PATJ: variants seen among roughly 807,000 people sequenced by gnomAD.
PATJ encodes the protein PATJ crumbs cell polarity complex component.
In PATJ, 190 loss-of-function variants were observed where a neutral mutation model predicts 224.9. The observed-to-expected ratio is 0.84, with a 90% confidence interval of 0.75 to 0.95. PATJ has a LOEUF of 0.95. Among genes scored for constraint, PATJ ranks in the 40% least tolerant of loss-of-function variants. The probability of loss-of-function intolerance (pLI) is 0.00; values close to 1 mark genes in which losing one functional copy is unlikely to be tolerated. For missense variants in PATJ, 2,121 were observed against 2,270.3 expected, an observed-to-expected ratio of 0.93 and a Z score of 1.34; for synonymous variants, 769 against 820.3, an observed-to-expected ratio of 0.94 and a Z score of 1.07.
At chr1:62,032,828 C>T (rs1258215170) in intron 29 of PATJ, among the ~76,000 whole-genome samples, 7 of 152,106 alleles carry the variant, frequency 4.6e-5, no homozygotes, top group Non-Finnish European at 7.4e-5. Flanking sequence ...GACAGTTCAG[C>T]GTGTCTGGGG....
chr1:61,758,773 G>A (rs1645795889), intron 1 of PATJ, among the ~76,000 whole-genome samples: 1 of 151,806 alleles, frequency 6.6e-6, no homozygotes, highest in Admixed American at 6.6e-5. Context: ...AGTTTTTGTT[G>A]TTGTTGTTTT....
Position 62,123,021 on chromosome 1 carries a change from G to T in PATJ, c.5006G>T (p.Gly1669Val), listed in dbSNP as rs200412855. 3.2e-6 allele frequency: 5 copies of T among 1,578,008 alleles called. No individual in the cohort carries two copies. The highest frequency in any genetic ancestry group is 4.3e-6 in the Non-Finnish European group (5 of 1,154,546). ...RVSDPSQKNS[G>V]TDMEPRTVEI... ...AGTTAATTGTGTTGCTTCTTTATAG[G>T]CACAGATATGGAACCAAGGACTGTT... Residue 1669 changes from glycine (G) to valine (V), a missense_variant and splice_region_variant, in exon 39 of 44, where the codon GGC becomes GTC. By Grantham distance (109) the Gly-to-Val change is moderately radical (BLOSUM62 -3). Coordinates refer to ENST00000642238, the MANE Select transcript of PATJ (RefSeq NM_001350145.3).
intron 7 of PATJ, among the ~76,000 whole-genome samples, chr1:61,783,968 T>TA (rs1445990378): frequency 3.3e-5 from 5 of 152,048 alleles, no homozygotes; most frequent in African/African-American, 1.2e-4. Context: ...GGTTTGGTGA[T>TA]AGAGTGAGAC....
At chr1:61,964,632 T>C (rs1681811761) in intron 27 of PATJ, among the ~76,000 whole-genome samples, 1 of 150,992 alleles carries the variant, frequency 6.6e-6, no homozygotes, top group African/African-American at 2.4e-5. Context: ...CTACCAAAAA[T>C]ACAAAAATTA....
intron 8 of PATJ, among the ~76,000 whole-genome samples, chr1:61,789,684 C>T (rs970486236): frequency 3.3e-5 from 5 of 151,878 alleles, no homozygotes; most frequent in African/African-American, 7.3e-5. Context: ...TGGTGGCACA[C>T]GCTTGTAATT....
At chr1:62,118,422 G>C (rs1664687229) in intron 37 of PATJ, among the ~76,000 whole-genome samples, 2 of 152,114 alleles carry the variant, frequency 1.3e-5, no homozygotes, top group African/African-American at 4.8e-5. Context: ...CTACACAGAG[G>C]AGGTTCCATT....
chr1:62,042,733 A>C (rs1179895525), intron 30 of PATJ, among the ~76,000 whole-genome samples: 1 of 152,102 alleles, frequency 6.6e-6, no homozygotes, highest in Non-Finnish European at 1.5e-5. Context: ...TACAGCCTCA[A>C]ACTCCTGGGC....
chr1:61,796,679 T>TTTCTTTCTTTCTTTC (rs1557660465), intron 10 of PATJ, among the ~76,000 whole-genome samples: 15 of 21,644 alleles, frequency 6.9e-4, no homozygotes, highest in South Asian at 2.9e-3. Flanking sequence ...TCTTTCTTTC[T>TTTCTTTCTTTCTTTC]TTCTTTCTTT....
In PATJ at chr1:61,814,670, T is replaced by C. The variant is rs1570669370; in HGVS notation, c.1683+6140T>C. 2.0e-5 allele frequency among the ~76,000 whole-genome samples: 3 copies of C among 152,340 alleles called. No individual in the cohort carries two copies. The South Asian group carries it at 6.2e-4, about 32-fold the overall frequency. On this transcript the variant is annotated intron_variant, in intron 14 of 43. Coordinates refer to ENST00000642238, the MANE Select transcript of PATJ (RefSeq NM_001350145.3). ...TTATTAAATGTCCATAGAATTTTTC[T>C]TCATTTTGATCAGCTATGATTTTTA... is the stretch of plus-strand genomic sequence containing the variant.
intron 1 of PATJ, among the ~76,000 whole-genome samples, chr1:61,748,750 C>A (rs959907476): frequency 2.0e-5 from 3 of 151,976 alleles, no homozygotes; most frequent in African/African-American, 7.2e-5. Context: ...CCCTGACCCC[C>A]TGGGCACAAG....
intron 15 of PATJ, among the ~76,000 whole-genome samples, chr1:61,824,582 T>C (rs1259767973): frequency 1.3e-5 from 2 of 151,914 alleles, no homozygotes; most frequent in Admixed American, 1.3e-4. Context: ...TGCGCCACCA[T>C]GCCCTGCTAG....
intron 1 of PATJ, among the ~76,000 whole-genome samples, chr1:61,750,144 G>A (rs750973735): frequency 3.3e-5 from 5 of 152,202 alleles, no homozygotes; most frequent in Non-Finnish European, 7.3e-5. Flanking sequence ...CACTTGGGAA[G>A]CTGCCTCATA....
chr1:61,802,396 A>G (rs1328907723), intron 12 of PATJ, among the ~76,000 whole-genome samples: 1 of 152,038 alleles, frequency 6.6e-6, no homozygotes, highest in Admixed American at 6.6e-5. Context: ...CCCAGCCAAT[A>G]TCAACATTTA....
intron 24 of PATJ, among the ~76,000 whole-genome samples, chr1:61,908,120 T>C (rs1672104648): frequency 6.6e-6 from 1 of 152,218 alleles, no homozygotes; most frequent in African/African-American, 2.4e-5. Context: ...TTTTGGATAA[T>C]TATATTTAAC....
In PATJ at chr1:61,801,578, G is replaced by C. The variant is rs925902036; in HGVS notation, c.1403-45G>C. ...TAGTCCTCAACAACTAATAATTCAA[G>C]TTAGCATTAACAAAATTTTAAAAAA... On this transcript the variant is annotated intron_variant, in intron 11 of 43. Coordinates refer to ENST00000642238, the MANE Select transcript of PATJ (RefSeq NM_001350145.3). 18 of 1,230,292 alleles carry C rather than the reference G, an allele frequency of 1.5e-5. No individual in the cohort carries two copies. The African/African-American group carries it at 2.7e-4, about 19-fold the overall frequency. 76.2% of individuals were successfully genotyped at this position (1,230,292 alleles called of 1,614,324 possible). A position where few individuals can be genotyped will look rare whatever the true frequency, so the allele number is the denominator to read the frequency against.
chr1:61,773,441 G>A (rs971112786), intron 6 of PATJ, among the ~76,000 whole-genome samples: 2 of 152,158 alleles, frequency 1.3e-5, no homozygotes, highest in African/African-American at 4.8e-5. Flanking sequence ...GCCTAGGCAG[G>A]AGGGTCATTT....
intron 28 of PATJ, among the ~76,000 whole-genome samples, chr1:61,998,764 G>T (rs1244216228): frequency 6.6e-5 from 10 of 152,132 alleles, no homozygotes; most frequent in Non-Finnish European, 1.5e-4. Flanking sequence ...GTTCGTATCG[G>T]TTGGCCTCAT....
chr1:61,880,822 G>C (rs1479883273), intron 21 of PATJ, among the ~76,000 whole-genome samples: 1 of 152,178 alleles, frequency 6.6e-6, no homozygotes, highest in African/African-American at 2.4e-5. Flanking sequence ...TGGCCAGCAC[G>C]GTGGCTCATG....
chr1:62,133,978 T>C (rs1391024164), intron 41 of PATJ, among the ~76,000 whole-genome samples: 1 of 151,954 alleles, frequency 6.6e-6, no homozygotes, highest in African/African-American at 2.4e-5. Flanking sequence ...ACTCCTGACC[T>C]CAGGTGATCC....
Sources: allele counts gnomAD v4.1 joint callset (sites outside exome capture counted in the v4.1 genomes callset), GRCh38; gene constraint gnomAD v4.1.1; transcripts MANE v1.5; gene names NCBI Gene and HGNC (gene_info 2026-07-23, HGNC 2026-07-21).